LRIG1: variants seen among roughly 807,000 people sequenced by gnomAD.
The protein encoded by LRIG1 is leucine rich repeats and immunoglobulin like domains 1.
A neutral mutation model predicts 99.2 loss-of-function variants in LRIG1; 48 were observed. That is an observed-to-expected ratio of 0.48 (90% CI 0.38 to 0.62). LRIG1 has a LOEUF of 0.62. LRIG1 is among the 20% of genes least tolerant of loss of function. The pLI, the probability that LRIG1 is intolerant of heterozygous loss-of-function variation, is 0.00. For missense variants in LRIG1, 1,646 were observed against 1,434.4 expected, an observed-to-expected ratio of 1.15 and a Z score of -2.38; for synonymous variants, 772 against 596.1, an observed-to-expected ratio of 1.29 and a Z score of -4.30.
intron 1 of LRIG1, among the ~76,000 whole-genome samples, chr3:66,490,775 T>C (rs140425784): frequency 3.5e-4 from 53 of 152,358 alleles, no homozygotes; most frequent in African/African-American, 1.1e-3. Context: ...CTGACCATGT[T>C]GGACAGCTTT....
chr3:66,426,663 T>C (rs1033412643), intron 3 of LRIG1, among the ~76,000 whole-genome samples: 2 of 152,256 alleles, frequency 1.3e-5, no homozygotes, highest in African/African-American at 2.4e-5. Context: ...ACCACTGTTA[T>C]GTTCCTCAAG....
chr3:66,382,910 A>AC, intron 15 of LRIG1, 72 bp downstream of exon 15: 1 of 1,417,116 alleles, frequency 7.1e-7, no homozygotes, highest in Non-Finnish European at 9.6e-7. Context: ...AGCCACTGGA[A>AC]CCCGGCCCAG....
intron 3 of LRIG1, among the ~76,000 whole-genome samples, chr3:66,420,980 G>C (rs754746090): frequency 6.6e-6 from 1 of 151,890 alleles, no homozygotes; most frequent in Non-Finnish European, 1.5e-5. Flanking sequence ...GATGGCAGCA[G>C]GCAAAAAAAA....
intron 1 of LRIG1, among the ~76,000 whole-genome samples, chr3:66,490,218 G>A (rs1312629759): frequency 2.0e-5 from 3 of 152,160 alleles, no homozygotes; most frequent in African/African-American, 7.2e-5. Context: ...ACAATCAGAG[G>A]AATTTGGGAT....
At position 66,401,609 on chromosome 3, in the gene LRIG1, C is replaced by T; in HGVS notation, c.1161-2568G>A. ...TTGGTAGATTAGGCAGGGTCCTTAC[C>T]TTCCCCCAGCAGACATATGGGGCTG... On this transcript the variant is annotated intron_variant, in intron 9 of 18. Coordinates refer to ENST00000273261, the MANE Select transcript of LRIG1 (RefSeq NM_015541.3). 4 of 1,521,884 alleles carry T rather than the reference C, an allele frequency of 2.6e-6. No homozygotes were observed. In the South Asian group the frequency reaches 3.7e-5, roughly 14 times the overall value. 94.3% of individuals were successfully genotyped at this position (1,521,884 alleles called of 1,614,324 possible). A position where few individuals can be genotyped will look rare whatever the true frequency, so the allele number is the denominator to read the frequency against.
chr3:66,440,995 T>C lies in LRIG1; in HGVS notation c.365+10564A>G, dbSNP rs139036076. Among the ~76,000 whole-genome samples, 6 of 152,334 alleles carry C rather than the reference T, an allele frequency of 3.9e-5. No homozygotes were observed. The East Asian group carries it at 1.2e-3, about 29-fold the overall frequency. On this transcript the variant is annotated intron_variant, in intron 3 of 18. Coordinates refer to ENST00000273261, the MANE Select transcript of LRIG1 (RefSeq NM_015541.3). ...AGCGTAAGGTGAAGAGATCCATTTG[T>C]ACCTACCTTTGTCCTACCGCTACGT...
rs1703908441 is a variant in LRIG1 at position 66,451,631 on chromosome 3, T to A, written c.293A>T (p.Tyr98Phe). The part of the protein sequence containing the change: ...FEDLPNLQEV[Y>F]LNNNELTAVP... Reference sequence around the variant, plus strand: ...CGCTGTCAACTCATTATTATTGAGGTACCTGTAACAACAACAAGAAATTAA... The same window carrying A: ...CGCTGTCAACTCATTATTATTGAGGAACCTGTAACAACAACAAGAAATTAA... The change falls in exon 3 of 19, where the codon TAC (tyrosine) becomes TTC (phenylalanine). Residue 98 changes from tyrosine to phenylalanine, a missense_variant and splice_region_variant. Coordinates refer to ENST00000273261, the MANE Select transcript of LRIG1 (RefSeq NM_015541.3). 1 of 1,612,188 alleles carries A rather than the reference T, an allele frequency of 6.2e-7. No individual in the cohort carries two copies. Among genetic ancestry groups the A allele is most frequent in the Non-Finnish European group, 8.5e-7 (1 of 1,178,350 alleles).
Position 66,386,211 on chromosome 3 carries a change from C to G in LRIG1, c.1559G>C (p.Ser520Thr). 1 of 1,614,148 alleles carries G rather than the reference C, an allele frequency of 6.2e-7. No homozygotes were observed. The highest frequency in any genetic ancestry group is 8.5e-7 in the Non-Finnish European group (1 of 1,180,028). Reference sequence around the variant, plus strand: ...AAAGGTCATGGGGGAGCTGCTGCTGCTGGCTGCTGAGCATGTAAACCGGAT... The same window carrying G: ...AAAGGTCATGGGGGAGCTGCTGCTGGTGGCTGCTGAGCATGTAAACCGGAT... Reference protein sequence around the residue: ...KDIRFTCSAASSSSSPMTFAW... With the variant: ...KDIRFTCSAATSSSSPMTFAW... Residue 520 changes from serine (S) to threonine (T), a missense_variant, in exon 13 of 19, where the codon AGC becomes ACC. By Grantham distance (58) the Ser-to-Thr change is moderately conservative. Coordinates refer to ENST00000273261, the MANE Select transcript of LRIG1 (RefSeq NM_015541.3).
At chr3:66,393,934 G>C in intron 12 of LRIG1, 106 bp downstream of exon 12, 3 of 1,200,700 alleles carry the variant, frequency 2.5e-6, no homozygotes, top group Non-Finnish European at 3.6e-6. Flanking sequence ...CTGTAACCAC[G>C]GGCTGGGGTT....
chr3:66,493,934 G>T (rs561857337), intron 1 of LRIG1, among the ~76,000 whole-genome samples: 6 of 124,762 alleles, frequency 4.8e-5, no homozygotes, highest in East Asian at 2.4e-4. Context: ...AAAGAAAAAA[G>T]AAAAAGAAAA....
chr3:66,404,547 T>C (rs576248619), intron 9 of LRIG1: 9 of 507,172 alleles, frequency 1.8e-5, no homozygotes, highest in South Asian at 1.7e-4. Context: ...AGCCTGCCAC[T>C]TGCCAGCCGT....
chr3:66,476,780 A>C (rs1189593850), intron 1 of LRIG1, among the ~76,000 whole-genome samples: 4 of 152,200 alleles, frequency 2.6e-5, no homozygotes, highest in Non-Finnish European at 4.4e-5. Flanking sequence ...TAGTTTTCTG[A>C]TTCCATACGC....
At chr3:66,481,988 A>G (rs1700862471) in intron 1 of LRIG1, among the ~76,000 whole-genome samples, 1 of 152,232 alleles carries the variant, frequency 6.6e-6, no homozygotes, top group African/African-American at 2.4e-5. Flanking sequence ...TTTTAAAATA[A>G]TTTCCATTTG....
intron 1 of LRIG1, among the ~76,000 whole-genome samples, chr3:66,490,702 T>C (rs1188945829): frequency 1.1e-4 from 16 of 152,150 alleles, no homozygotes; most frequent in Admixed American, 7.9e-4. Flanking sequence ...GAACCCACTG[T>C]AAATGGTGTA....
intron 1 of LRIG1, among the ~76,000 whole-genome samples, chr3:66,474,347 C>CTT (rs58012350): frequency 1.4e-5 from 2 of 140,688 alleles, no homozygotes. Flanking sequence ...CATCTACGTT[C>CTT]TTTTTTTTTT....
chr3:66,472,342 T>A (rs1289703810), intron 1 of LRIG1, among the ~76,000 whole-genome samples: 1 of 142,906 alleles, frequency 7.0e-6, no homozygotes, highest in Non-Finnish European at 1.5e-5. Flanking sequence ...AACACTAACT[T>A]CGGATGGTCA....
At chr3:66,422,306 A>G (rs763982441) in intron 3 of LRIG1, among the ~76,000 whole-genome samples, 7 of 152,230 alleles carry the variant, frequency 4.6e-5, no homozygotes, top group Non-Finnish European at 7.3e-5. Context: ...CAAATTTTCC[A>G]AACTTTTATG....
rs773026984 is a variant in LRIG1, at chr3:66,383,359, G to A, written c.2114C>T (p.Ser705Phe). The A allele has an allele frequency of 6.3e-7, 1 of 1,582,900 alleles. No homozygotes were observed. The change falls in exon 15 of 19, where the codon TCT becomes TTT. Residue 705 changes from serine to phenylalanine, a missense_variant. Transcript: ENST00000273261. ...LVVPLEDRVV[S>F]VGETVALQCK... ...TTGGAGGGCCACTGTTTCTCCCACA[G>A]ATACCACACGGTCTTCCAAGGGGAC...
At chr3:66,443,041 G>A (rs2013627) in intron 3 of LRIG1, among the ~76,000 whole-genome samples, 38,551 of 152,028 alleles carry the variant, frequency 0.25, 5,823 homozygotes, top group East Asian at 0.68. Flanking sequence ...GGCTGGCTGC[G>A]GAGGCCACAG....
Sources: gnomAD v4.1 joint callset for allele counts (sites outside exome capture counted in the v4.1 genomes callset) on GRCh38, gnomAD v4.1.1 for gene constraint, MANE v1.5 for transcripts, NCBI Gene and HGNC (gene_info 2026-07-23, HGNC 2026-07-21) for gene names.